The following CDH12 variants were observed in gnomAD, a reference collection of about 807,000 sequenced individuals.
The protein encoded by CDH12 is cadherin 12, also known as cadherin-12.
Under a neutral mutation model 74.1 loss-of-function variants are expected in CDH12, and 41 were observed. The observed-to-expected ratio is 0.55, with a 90% confidence interval of 0.43 to 0.72. The LOEUF (loss-of-function observed/expected upper bound fraction) is 0.72, where lower values mean the gene tolerates loss of function less well. Ranked by LOEUF, CDH12 falls within the 30% of genes least tolerant of loss-of-function variation. The pLI is 0.00. For synonymous variants in CDH12, 399 were observed against 355.0 expected (o/e 1.12, Z -1.39); for missense variants, 945 against 977.2 (o/e 0.97, Z 0.44).
At chr5:22,566,836 C>A (rs907660476) in intron 1 of CDH12, among the ~76,000 whole-genome samples, 4 of 152,052 alleles carry the variant, frequency 2.6e-5, no homozygotes, top group Non-Finnish European at 4.4e-5. Flanking sequence ...TTGCTATGGT[C>A]GCTGTTTTTC....
intron 1 of CDH12, among the ~76,000 whole-genome samples, chr5:22,636,747 C>T (rs11745109): frequency 0.068 from 10,287 of 152,108 alleles, 450 homozygotes; most frequent in East Asian, 0.24. Context: ...TTTTTGCTTA[C>T]GGTTGTACAA....
At chr5:22,451,912 T>C (rs1032002236) in intron 2 of CDH12, among the ~76,000 whole-genome samples, 2 of 151,882 alleles carry the variant, frequency 1.3e-5, no homozygotes, top group Non-Finnish European at 2.9e-5. Context: ...TAAAAATCAA[T>C]AGAATTTTTG....
chr5:22,032,543 T>G (rs933343665), intron 5 of CDH12, among the ~76,000 whole-genome samples: 3 of 151,930 alleles, frequency 2.0e-5, no homozygotes, highest in African/African-American at 7.2e-5. Flanking sequence ...AAACCCCATC[T>G]CTACTAAAAA....
intron 9 of CDH12, among the ~76,000 whole-genome samples, chr5:21,810,807 C>T (rs1241270934): frequency 1.3e-5 from 2 of 152,032 alleles, no homozygotes; most frequent in African/African-American, 4.8e-5. Context: ...TTATTTTAAA[C>T]TTAAACTGAG....
intron 1 of CDH12, among the ~76,000 whole-genome samples, chr5:22,810,903 A>ATG (rs1749102520): frequency 6.8e-6 from 1 of 148,114 alleles, no homozygotes; most frequent in Non-Finnish European, 1.5e-5. Context: ...ACAAACAAAT[A>ATG]TATGTGTGTG....
At chr5:22,486,204 A>G (rs1371915268) in intron 2 of CDH12, among the ~76,000 whole-genome samples, 2 of 152,172 alleles carry the variant, frequency 1.3e-5, no homozygotes, top group Admixed American at 6.5e-5. Context: ...CCTCTGAAAC[A>G]TAGTTCTAGT....
At chr5:22,530,723 C>T (rs1324459577) in intron 1 of CDH12, among the ~76,000 whole-genome samples, 1 of 152,006 alleles carries the variant, frequency 6.6e-6, no homozygotes, top group Non-Finnish European at 1.5e-5. Context: ...CATCTCAATG[C>T]TGTAGTTGTA....
rs1580203227 is a variant in CDH12 at position 22,071,706 on chromosome 5, C to T, written c.231+6740G>A. Among the ~76,000 whole-genome samples the T allele has an allele frequency of 2.6e-5, 4 of 152,162 alleles. No individual in the cohort carries two copies. The East Asian group carries it at 7.7e-4, about 29-fold the overall frequency. On this transcript the variant is annotated intron_variant, in intron 5 of 14. Coordinates refer to ENST00000382254, the MANE Select transcript of CDH12 (RefSeq NM_004061.5). The stretch of plus-strand genomic sequence containing the variant: ...CTGTATTCCAATTACTCTCTTTGAA[C>T]ACTAGATTAATGTATGTAAATATCT...
rs1161380663 is a variant in CDH12 at position 22,214,715 on chromosome 5, A to G, written c.-332-2072T>C. ...GAACCCTGCCAGCCAACCCACAATCATCATCACCAACTAAAACAGGTGCAC... is the reference window on the plus strand; with the variant it reads ...GAACCCTGCCAGCCAACCCACAATCGTCATCACCAACTAAAACAGGTGCAC... On this transcript the variant is annotated intron_variant, in intron 3 of 14. Transcript: ENST00000382254. 4.6e-5 allele frequency among the ~76,000 whole-genome samples: 7 copies of G among 152,176 alleles called. No individual in the cohort carries two copies. The South Asian group carries it at 1.4e-3, about 32-fold the overall frequency.
chr5:22,316,853 T>C (rs974223469), intron 3 of CDH12, among the ~76,000 whole-genome samples: 2 of 152,090 alleles, frequency 1.3e-5, no homozygotes. Flanking sequence ...TTCCAGAAAC[T>C]AGGAATGGGT....
chr5:22,118,733 C>G (rs567242754), intron 4 of CDH12, among the ~76,000 whole-genome samples: 61 of 152,248 alleles, frequency 4.0e-4, no homozygotes, highest in African/African-American at 1.5e-3. Context: ...TATGCACAGA[C>G]TTCCATTTAC....
intron 1 of CDH12, among the ~76,000 whole-genome samples, chr5:22,547,414 T>C (rs917040885): frequency 1.3e-5 from 2 of 152,180 alleles, no homozygotes; most frequent in African/African-American, 2.4e-5. Flanking sequence ...CATTAATTAG[T>C]CGTCAGTCCA....
At chr5:22,317,133 C>G (rs938161881) in intron 3 of CDH12, among the ~76,000 whole-genome samples, 1 of 152,060 alleles carries the variant, frequency 6.6e-6, no homozygotes, top group African/African-American at 2.4e-5. Context: ...GCCTGGCCAA[C>G]ACGGTGAAAC....
intron 1 of CDH12, among the ~76,000 whole-genome samples, chr5:22,801,662 TATATATATATATATATATATATAC>T (rs1279484991): frequency 1.3e-3 from 155 of 121,090 alleles, no homozygotes; most frequent in African/African-American, 4.8e-3. Flanking sequence ...TATATATATA[TATATATATATATATATATATATAC>T]ACTTTGTTTA....
intron 1 of CDH12, among the ~76,000 whole-genome samples, chr5:22,796,514 C>CTTTTTTTTTTT (rs70959756): frequency 1.7e-5 from 1 of 59,748 alleles, no homozygotes; most frequent in Non-Finnish European, 2.7e-5. Flanking sequence ...GATTTTTTAT[C>CTTTTTTTTTTT]TTTTTTTTTT....
intron 1 of CDH12, among the ~76,000 whole-genome samples, chr5:22,681,432 G>C (rs1222554619): frequency 6.6e-6 from 1 of 151,966 alleles, no homozygotes; most frequent in Non-Finnish European, 1.5e-5. Flanking sequence ...CCATGCCTGA[G>C]TAGTATATTG....
intron 5 of CDH12, among the ~76,000 whole-genome samples, chr5:22,006,142 T>C (rs1198826679): frequency 1.3e-5 from 2 of 152,154 alleles, no homozygotes; most frequent in Non-Finnish European, 2.9e-5. Flanking sequence ...GCCCCACTTA[T>C]TGGGTAACTC....
At chr5:22,315,254 G>A (rs985992621) in intron 3 of CDH12, among the ~76,000 whole-genome samples, 1 of 150,932 alleles carries the variant, frequency 6.6e-6, no homozygotes, top group Non-Finnish European at 1.5e-5. Flanking sequence ...GAGCCACCGC[G>A]CCCGGCCTGG....
intron 3 of CDH12, among the ~76,000 whole-genome samples, chr5:22,352,061 C>A (rs1400688429): frequency 6.6e-6 from 1 of 151,418 alleles, no homozygotes; most frequent in East Asian, 1.9e-4. Context: ...TTTTAGAAAT[C>A]AAAATTATTA....
Sources: allele counts gnomAD v4.1 joint callset (sites outside exome capture counted in the v4.1 genomes callset), GRCh38; gene constraint gnomAD v4.1.1; transcripts MANE v1.5; gene names NCBI Gene and HGNC (gene_info 2026-07-23, HGNC 2026-07-21).